The following CA1 variants were observed in gnomAD, a reference collection of about 807,000 sequenced individuals.
CA1 encodes carbonic anhydrase 1.
CA1 carries 27 observed loss-of-function variants against 28.8 expected under a neutral mutation model. The ratio of observed to expected loss-of-function variants is 0.94; its 90% confidence interval spans 0.69 to 1.29. The LOEUF (loss-of-function observed/expected upper bound fraction) is 1.29. CA1 is among the 50% of genes most tolerant of loss of function. The pLI, the probability that CA1 is intolerant of heterozygous loss-of-function variation, is 0.00. For synonymous variants in CA1, 121 were observed against 108.8 expected (o/e 1.11, Z -0.70); for missense variants, 335 against 310.5 (o/e 1.08, Z -0.59).
chr8:85,349,416 A>G (rs1809321258), intron 1 of CA1, among the ~76,000 whole-genome samples: 1 of 152,232 alleles, frequency 6.6e-6, no homozygotes, highest in African/African-American at 2.4e-5. Context: ...ACTATGATAA[A>G]TTATAAAATC....
chr8:85,337,530 T>C (rs184358402), intron 3 of CA1, among the ~76,000 whole-genome samples: 3 of 152,260 alleles, frequency 2.0e-5, no homozygotes, highest in Admixed American at 6.5e-5. Context: ...GACAGCTTTG[T>C]TGAGAATCCC....
At chr8:85,337,682 G>C (rs1443923463) in intron 3 of CA1, among the ~76,000 whole-genome samples, 1 of 152,082 alleles carries the variant, frequency 6.6e-6, no homozygotes, top group African/African-American at 2.4e-5. Flanking sequence ...ATAGTCCCAA[G>C]GTGCCTAAAA....
intron 1 of CA1, among the ~76,000 whole-genome samples, chr8:85,360,585 TGGG>T (rs1271054991): frequency 3.3e-5 from 5 of 152,128 alleles, no homozygotes; most frequent in Non-Finnish European, 7.4e-5. Flanking sequence ...CCCAGCTACT[TGGG>T]GGACCGAGGC....
chr8:85,365,020 A>G (rs1285307585), intron 1 of CA1, among the ~76,000 whole-genome samples: 1 of 152,134 alleles, frequency 6.6e-6, no homozygotes, highest in Non-Finnish European at 1.5e-5. Context: ...GAGGTCCAGG[A>G]TGAGATGGGG....
rs747994623 is a variant in CA1 at position 85,373,323 on chromosome 8, T to G, written c.-25+4723A>C. 4 of 152,072 alleles carry G rather than the reference T, an allele frequency of 2.6e-5. No individual in the cohort carries two copies. The East Asian group carries it at 7.7e-4, about 29-fold the overall frequency. The allele number at this position is 152,072 out of a possible 1,614,324, so 9.4% of individuals were successfully genotyped here. ...AAGACTTCAGCAAGCAAGAAATGAG[T>G]TGACACCACGCCGCAAAGGGCTGGT... On this transcript the variant is annotated intron_variant, in intron 1 of 7. Transcript: ENST00000523022.
chr8:85,351,967 C>T (rs1170467986), intron 1 of CA1, among the ~76,000 whole-genome samples: 5 of 152,176 alleles, frequency 3.3e-5, no homozygotes, highest in Admixed American at 1.3e-4. Flanking sequence ...CTAATTCCAA[C>T]ACAACTTAAT....
chr8:85,331,665 C>T (rs1352533914), intron 6 of CA1, among the ~76,000 whole-genome samples: 2 of 152,052 alleles, frequency 1.3e-5, no homozygotes, highest in African/African-American at 2.4e-5. Context: ...ACTATGTTGG[C>T]CAGGCTGGTC....
At chr8:85,358,661 C>CTCCT (rs1245409420) in intron 1 of CA1, among the ~76,000 whole-genome samples, 4 of 152,188 alleles carry the variant, frequency 2.6e-5, no homozygotes, top group Non-Finnish European at 5.9e-5. Context: ...CTTTTGTAGT[C>CTCCT]TCCTCCCTTA....
intron 1 of CA1, among the ~76,000 whole-genome samples, chr8:85,377,816 G>T (rs1222981611): frequency 6.6e-6 from 1 of 152,144 alleles, no homozygotes; most frequent in East Asian, 1.9e-4. Flanking sequence ...AAAAAAAAAG[G>T]TAATTTATAT....
chr8:85,365,676 C>T (rs1446960823), intron 1 of CA1, among the ~76,000 whole-genome samples: 1 of 152,192 alleles, frequency 6.6e-6, no homozygotes, highest in Admixed American at 6.5e-5. Flanking sequence ...CTTCTCTTCA[C>T]CTTCAATATA....
At chr8:85,328,904 A>G (rs1468872216) in intron 7 of CA1, among the ~76,000 whole-genome samples, 1 of 151,698 alleles carries the variant, frequency 6.6e-6, no homozygotes, top group Non-Finnish European at 1.5e-5. Context: ...AAATAAAGCA[A>G]ATTTAATTAT....
chr8:85,335,600 A>G (rs993389677), intron 4 of CA1, among the ~76,000 whole-genome samples: 19 of 152,164 alleles, frequency 1.2e-4, no homozygotes, highest in African/African-American at 4.6e-4. Context: ...GGTTTATTGA[A>G]CTGAATTTAA....
At position 85,328,646 on chromosome 8, in the gene CA1, C is replaced by T; in HGVS notation, c.700G>A (p.Val234Ile). Reference sequence around the variant, plus strand: ...ATGGGGACAGCGTTATCACCTTCAACATTTGATAGAAGGCTGCGGAATTGT... The same window carrying T: ...ATGGGGACAGCGTTATCACCTTCAATATTTGATAGAAGGCTGCGGAATTGT... ...LAQFRSLLSN[V>I]EGDNAVPMQH... Residue 234 changes from valine (V) to isoleucine (I), a missense_variant, in exon 8 of 8, where the codon GTT (valine) becomes ATT (isoleucine). By Grantham distance (29) the Val-to-Ile change is conservative. Coordinates refer to ENST00000523022, the MANE Select transcript of CA1 (RefSeq NM_001128831.4). 1 of 1,609,880 alleles carries T rather than the reference C, an allele frequency of 6.2e-7. No individual in the cohort carries two copies. Among genetic ancestry groups the T allele is most frequent in the Non-Finnish European group, 8.5e-7 (1 of 1,177,124 alleles).
chr8:85,339,754 G>C (rs963166666), intron 2 of CA1, among the ~76,000 whole-genome samples: 1 of 152,154 alleles, frequency 6.6e-6, no homozygotes. Flanking sequence ...CAAATGATAA[G>C]AAAGCAAAGC....
chr8:85,331,263 C>G (rs1372340042), intron 6 of CA1, among the ~76,000 whole-genome samples: 1 of 151,966 alleles, frequency 6.6e-6, no homozygotes, highest in Non-Finnish European at 1.5e-5. Flanking sequence ...AATTTTGTCT[C>G]TTAAAATTTT....
chr8:85,338,999 A>T (rs1205909546), intron 2 of CA1, among the ~76,000 whole-genome samples: 29 of 152,086 alleles, frequency 1.9e-4, no homozygotes, highest in Non-Finnish European at 2.9e-5. Flanking sequence ...TACAAGCATG[A>T]GCCACTGCAC....
intron 1 of CA1, among the ~76,000 whole-genome samples, chr8:85,366,504 A>G (rs1298818163): frequency 2.0e-5 from 3 of 152,156 alleles, no homozygotes; most frequent in African/African-American, 7.2e-5. Flanking sequence ...GCAAAATTCA[A>G]AAGACTGATA....
chr8:85,337,831 G>T (rs1223262156), intron 3 of CA1, among the ~76,000 whole-genome samples: 2 of 152,168 alleles, frequency 1.3e-5, no homozygotes, highest in Admixed American at 6.5e-5. Flanking sequence ...AGATTCTGGA[G>T]TATAAGGATA....
intron 4 of CA1, among the ~76,000 whole-genome samples, chr8:85,336,645 A>C (rs1212554150): frequency 6.6e-6 from 1 of 152,186 alleles, no homozygotes; most frequent in Non-Finnish European, 1.5e-5. Context: ...TTACAGCTTT[A>C]AAGGAGGAGC....
Sources: gnomAD v4.1 joint callset for allele counts (sites outside exome capture counted in the v4.1 genomes callset) on GRCh38, gnomAD v4.1.1 for gene constraint, MANE v1.5 for transcripts, NCBI Gene and HGNC (gene_info 2026-07-23, HGNC 2026-07-21) for gene names.